SNX24: variants seen among roughly 807,000 people sequenced by gnomAD.
SNX24 encodes sorting nexin 24.
A neutral mutation model predicts 28.7 loss-of-function variants in SNX24; 22 were observed. The observed-to-expected ratio is 0.77, with a 90% CI of 0.55 to 1.10. The LOEUF (loss-of-function observed/expected upper bound fraction) is 1.10, where lower values mean the gene tolerates loss of function less well. SNX24 is among the 50% of genes least tolerant of loss of function. SNX24 has a pLI of 0.00. For missense variants in SNX24, 221 were observed against 201.1 expected, an observed-to-expected ratio of 1.10 and a Z score of -0.60; for synonymous variants, 69 against 71.5, an observed-to-expected ratio of 0.96 and a Z score of 0.18.
intron 1 of SNX24, among the ~76,000 whole-genome samples, chr5:122,854,135 A>G (rs1196617430): frequency 6.6e-6 from 1 of 152,018 alleles, no homozygotes; most frequent in East Asian, 1.9e-4. Context: ...TACACAGATG[A>G]AAGGGAATTA....
chr5:123,001,515 TTA>T, intron 5 of SNX24, 78 bp downstream of exon 5: 1 of 1,061,944 alleles, frequency 9.4e-7, no homozygotes, highest in East Asian at 2.4e-5. Context: ...GTGTTTCAAG[TTA>T]TGTTTTTCTT....
intron 5 of SNX24, among the ~76,000 whole-genome samples, chr5:123,021,113 G>A (rs1462997973): frequency 1.1e-4 from 8 of 74,390 alleles, no homozygotes; most frequent in African/African-American, 1.6e-4. Flanking sequence ...TTCCCCCCCC[G>A]TCCCCATGGC....
In SNX24 at chr5:123,007,539, A is replaced by G. The variant is rs114305911; in HGVS notation, c.443-143A>G. The stretch of plus-strand genomic sequence containing the variant: ...CAGCATGACTGATAGCACATCCTCA[A>G]CCAGGCACATGCCTGGCGATGCAGA... On this transcript the variant is annotated intron_variant, in intron 6 of 6. Transcript: ENST00000261369. 2.4e-3 allele frequency: 1,852 copies of G among 766,966 alleles called. 35 individuals are homozygous for G. The African/African-American group carries it at 0.029, about 12-fold the overall frequency. 47.5% of individuals were successfully genotyped at this position (766,966 alleles called of 1,614,324 possible).
chr5:122,918,151 G>A (rs1481012188), intron 1 of SNX24, among the ~76,000 whole-genome samples: 1 of 152,166 alleles, frequency 6.6e-6, no homozygotes, highest in Non-Finnish European at 1.5e-5. Context: ...GCTCCCACCT[G>A]TAATCCTAGA....
At chr5:122,947,723 T>C (rs72798705) in intron 3 of SNX24, among the ~76,000 whole-genome samples, 315 of 152,268 alleles carry the variant, frequency 2.1e-3, no homozygotes, top group Middle Eastern at 6.8e-3. Context: ...AGAAATTGTA[T>C]GCAAAGAGTA....
chr5:122,890,974 A>T (rs1581711716), intron 1 of SNX24: 4 of 1,382,988 alleles, frequency 2.9e-6, no homozygotes, highest in Non-Finnish European at 3.8e-6. Flanking sequence ...TTTAAATAGT[A>T]TATAAGAGTA....
At chr5:122,973,556 C>A (rs917208438) in intron 3 of SNX24, among the ~76,000 whole-genome samples, 2 of 152,180 alleles carry the variant, frequency 1.3e-5, no homozygotes, top group African/African-American at 4.8e-5. Context: ...GTAGTGGGAA[C>A]CATGGGCATT....
chr5:122,950,703 A>G (rs1358336696), intron 3 of SNX24, among the ~76,000 whole-genome samples: 1 of 152,144 alleles, frequency 6.6e-6, no homozygotes, highest in African/African-American at 2.4e-5. Flanking sequence ...ACCACGGCCA[A>G]CCATCCCACT....
At chr5:122,924,819 C>T (rs528141635) in intron 1 of SNX24, among the ~76,000 whole-genome samples, 1 of 152,230 alleles carries the variant, frequency 6.6e-6, no homozygotes, top group East Asian at 1.9e-4. Context: ...GAAATACAGC[C>T]AGGAAGTAGC....
At chr5:122,868,503 C>G (rs1581687259) in intron 1 of SNX24, among the ~76,000 whole-genome samples, 1 of 152,226 alleles carries the variant, frequency 6.6e-6, no homozygotes, top group East Asian at 1.9e-4. Flanking sequence ...TGCACTTAAC[C>G]TATAGCAACC....
Position 122,845,708 on chromosome 5 carries a change from C to G in SNX24, c.60+15C>G. Reference sequence around the variant, plus strand: ...GGGGATACACGGTAGGCGCGGGCCGCGGGCGGACAGGGCCCCGCGAGCCAG... The same window carrying G: ...GGGGATACACGGTAGGCGCGGGCCGGGGGCGGACAGGGCCCCGCGAGCCAG... On this transcript the variant is annotated intron_variant, in intron 1 of 6. Transcript: ENST00000261369. 1 of 1,367,760 alleles carries G rather than the reference C, an allele frequency of 7.3e-7. No individual in the cohort carries two copies. The highest frequency in any genetic ancestry group is 9.5e-7 in the Non-Finnish European group (1 of 1,049,772). 84.7% of individuals were successfully genotyped at this position (1,367,760 alleles called of 1,614,324 possible). A position where few individuals can be genotyped will look rare whatever the true frequency, so the allele number is the denominator to read the frequency against.
At chr5:122,846,752 T>C (rs552554126) in intron 1 of SNX24, among the ~76,000 whole-genome samples, 2 of 152,320 alleles carry the variant, frequency 1.3e-5, no homozygotes, top group Admixed American at 6.5e-5. Flanking sequence ...GGTGGGTTTT[T>C]AGAATTGAGT....
rs552272150 is a variant in SNX24 at position 123,004,538 on chromosome 5, T to C, written c.442+2534T>C. ...TCACTACACTTCCTTTCAGATAATC[T>C]CCTTGTGTGTGGCCTGCCTACCACG... On this transcript the variant is annotated intron_variant, in intron 6 of 6. Transcript: ENST00000261369. Among the ~76,000 whole-genome samples the C allele has an allele frequency of 3.9e-5, 6 of 152,100 alleles. No individual in the cohort carries two copies. In the South Asian group the frequency reaches 1.0e-3, roughly 26 times the overall value.
At chr5:122,928,693 A>G (rs1325067298) in intron 1 of SNX24, among the ~76,000 whole-genome samples, 5 of 151,774 alleles carry the variant, frequency 3.3e-5, no homozygotes, top group African/African-American at 1.2e-4. Context: ...CTGCAGTCAC[A>G]CACCCCTGCC....
chr5:122,850,322 T>C (rs1754834826), intron 1 of SNX24, among the ~76,000 whole-genome samples: 1 of 152,144 alleles, frequency 6.6e-6, no homozygotes, highest in African/African-American at 2.4e-5. Context: ...CTGGGACCTA[T>C]TTTATAAGGT....
chr5:122,888,559 A>G (rs549934296), intron 1 of SNX24, among the ~76,000 whole-genome samples: 1 of 152,202 alleles, frequency 6.6e-6, no homozygotes, highest in Non-Finnish European at 1.5e-5. Flanking sequence ...ATTCTGACAA[A>G]TATATTCAGA....
intron 1 of SNX24, among the ~76,000 whole-genome samples, chr5:122,871,470 T>G (rs1320229532): frequency 1.3e-5 from 2 of 152,110 alleles, no homozygotes; most frequent in African/African-American, 4.8e-5. Context: ...CAAATGAACT[T>G]AAGAAAAGCT....
At chr5:122,892,638 G>A (rs1352198619) in intron 1 of SNX24, among the ~76,000 whole-genome samples, 4 of 151,746 alleles carry the variant, frequency 2.6e-5, no homozygotes, top group African/African-American at 4.8e-5. Context: ...GGGTTTCACC[G>A]TGTTGGCCAG....
downstream of SNX24, among the ~76,000 whole-genome samples, chr5:123,012,298 G>A (rs424247): frequency 0.23 from 35,194 of 152,088 alleles, 5,197 homozygotes; most frequent in Non-Finnish European, 0.34. Context: ...GCCAAAAGGT[G>A]GAAACAACCC....
Sources: gnomAD v4.1 joint callset for allele counts (sites outside exome capture counted in the v4.1 genomes callset) on GRCh38, gnomAD v4.1.1 for gene constraint, MANE v1.5 for transcripts, NCBI Gene and HGNC (gene_info 2026-07-23, HGNC 2026-07-21) for gene names.